The following TTN variants were observed in gnomAD, a reference collection of about 807,000 sequenced individuals.
The protein encoded by TTN is titin, also known as connectin.
Under a neutral mutation model 3,223.0 loss-of-function variants are expected in TTN, and 1,525 were observed. The observed-to-expected ratio is 0.47, with a 90% CI of 0.45 to 0.49. The LOEUF (loss-of-function observed/expected upper bound fraction) is 0.49. Among genes scored for constraint, TTN ranks in the 20% least tolerant of loss-of-function variants. TTN has a pLI of 0.00. For missense variants in TTN, 40,786 were observed against 43,424.0 expected, an observed-to-expected ratio of 0.94 and a Z score of 5.40; for synonymous variants, 14,094 against 15,161.0, an observed-to-expected ratio of 0.93 and a Z score of 5.17.
In TTN at chr2:178,581,722, A is replaced by G; in HGVS notation, c.66546T>C (p.Tyr22182=). The G allele has an allele frequency of 6.2e-7, 1 of 1,610,456 alleles. No individual in the cohort carries two copies. Among genetic ancestry groups the G allele is most frequent in the Non-Finnish European group, 8.5e-7 (1 of 1,178,196 alleles). The change falls in exon 316 of 363, where the codon TAT becomes TAC. Residue 22182 remains tyrosine (Y), a synonymous_variant. Transcript: ENST00000589042. ...AACCAATGATAGGGCTGCCGCCGTC[A>G]TAGGCTGGCTTGCCCCAAGATAGAC... The part of the protein sequence containing the change: ...SVSLSWGKPA[Y]DGGSPIIGYL...
At chr2:178,727,403 G>A in intron 68 of TTN, 32 bp from the exon 69 acceptor site, 1 of 1,532,934 alleles carries the variant, frequency 6.5e-7, no homozygotes, top group Non-Finnish European at 8.7e-7. Flanking sequence ...GAGTATCAGG[G>A]AACAGAAATA....
intron 41 of TTN, 115 bp from the exon 42 acceptor site, chr2:178,764,926 G>T (rs1220908556): frequency 8.2e-7 from 1 of 1,226,160 alleles, no homozygotes. Context: ...CAAAATTTTG[G>T]AATTGTGGTA....
Position 178,577,048 on chromosome 2 carries a change from G to A in TTN, c.69287C>T (p.Ser23096Phe), listed in dbSNP as rs775422985. Residue 23096 changes from serine (S) to phenylalanine (F), a missense_variant, in exon 324 of 363, where the codon TCT becomes TTT. Coordinates refer to ENST00000589042, the MANE Select transcript of TTN (RefSeq NM_001267550.2). ...LWTVVSEDIQ[S>F]CRHVATKLIQ... ...AAGTTTGGTTGCCACATGCCTGCAAGACTGAATATCTTCAGAAACCACTGT... is the reference window on the plus strand; with the variant it reads ...AAGTTTGGTTGCCACATGCCTGCAAAACTGAATATCTTCAGAAACCACTGT... 1.6e-5 allele frequency: 26 copies of A among 1,613,450 alleles called. No homozygotes were observed. In the East Asian group the frequency reaches 5.8e-4, roughly 36 times the overall value.
In TTN at chr2:178,569,439, A is replaced by G. The variant is rs753679035; in HGVS notation, c.76693T>C (p.Ser25565Pro). The change falls in exon 326 of 363, where the codon TCT becomes CCT. Residue 25565 changes from serine (S) to proline (P), a missense_variant. Physicochemically the swap from Ser to Pro is moderately conservative, Grantham distance 74. Transcript: ENST00000589042. ...AIIDVTSSFT[S>P]LVLDNVNRYD... ...CGGTTGACATTGTCAAGAACAAGAG[A>G]GGTGAAACTGCTAGTGACATCAATT... is the stretch of plus-strand genomic sequence containing the variant. 12 of 1,613,232 alleles carry G rather than the reference A, an allele frequency of 7.4e-6. No homozygotes were observed. Among genetic ancestry groups the G allele is most frequent in the Non-Finnish European group, 1.0e-5 (12 of 1,179,504 alleles).
In TTN at chr2:178,560,423, CAA is replaced by C. The variant is rs1219440385; in HGVS notation, c.85707_85708del (p.Cys28570LeufsTer7). The C allele has an allele frequency of 6.2e-7, 1 of 1,613,626 alleles. No homozygotes were observed. The highest frequency in any genetic ancestry group is 2.2e-5 in the East Asian group (1 of 44,806). On this transcript the variant is annotated frameshift_variant, in exon 326 of 363. Coordinates refer to ENST00000589042, the MANE Select transcript of TTN (RefSeq NM_001267550.2). LOFTEE classifies it high-confidence loss of function. The stretch of plus-strand genomic sequence containing the variant: ...TCCATCACTCTCGGGTCTTGACCAG[CAA>C]AGTGTCATAGATTCTTTGGTCACAG...
At position 178,567,619 on chromosome 2, in the gene TTN, T is replaced by C. The variant is rs752565778; in HGVS notation, c.78513A>G (p.Ala26171=). 9.3e-6 allele frequency: 15 copies of C among 1,612,060 alleles called. No individual in the cohort carries two copies. The highest frequency in any genetic ancestry group is 1.2e-5 in the Non-Finnish European group (14 of 1,178,644). The change falls in exon 326 of 363, where the codon GCA becomes GCG. Residue 26171 remains alanine (A), a synonymous_variant. Transcript: ENST00000589042. ...CAGTACTGTCAGAGGGTTTACTTAT[T>C]GCACCAGCTGCATTCTTTGCAATGA... ...FRVIAKNAAG[A]ISKPSDSTGP...
Position 178,799,863 on chromosome 2 carries a change from C to G in TTN, c.631G>C (p.Ala211Pro). The G allele has an allele frequency of 6.2e-7, 1 of 1,614,118 alleles. No homozygotes were observed. The highest frequency in any genetic ancestry group is 1.3e-5 in the African/African-American group (1 of 75,036). The stretch of plus-strand genomic sequence containing the variant: ...GTTTGTCTTGATTCTGAGATCTGAG[C>G]AGTCGAAACAATTGTCTTTGTCTTT... ...AKKTKTIVST[A>P]QISESRQTRI... The change falls in exon 5 of 363, where the codon GCT becomes CCT. Residue 211 changes from alanine to proline, a missense_variant. Coordinates refer to ENST00000589042, the MANE Select transcript of TTN (RefSeq NM_001267550.2).
intron 193 of TTN, 29 bp downstream of exon 193, chr2:178,654,179 A>G: frequency 6.3e-7 from 1 of 1,586,028 alleles, no homozygotes; most frequent in Non-Finnish European, 8.5e-7. Flanking sequence ...ACAGTAAGTT[A>G]TTCTTAGCAG....
At position 178,616,489 on chromosome 2, in the gene TTN, G is replaced by A; in HGVS notation, c.48302C>T (p.Thr16101Ile). 1 of 1,612,124 alleles carries A rather than the reference G, an allele frequency of 6.2e-7. No individual in the cohort carries two copies. ...VVEKREVSRK[T>I]WTKVMDFVTD... ...CTGCTCAAAACTCACTTTAGTCCAT[G>A]TTTTCCGGCTGACTTCTCGTTTTTC... The change falls in exon 257 of 363, where the codon ACA becomes ATA. Residue 16101 changes from threonine to isoleucine, a missense_variant. Thr to Ile is a moderately conservative substitution (Grantham distance 89). Coordinates refer to ENST00000589042, the MANE Select transcript of TTN (RefSeq NM_001267550.2).
chr2:178,677,486 G>C (rs2068356449), intron 146 of TTN, 135 bp downstream of exon 146: 1 of 924,474 alleles, frequency 1.1e-6, no homozygotes, highest in Non-Finnish European at 1.6e-6. Flanking sequence ...CACATGTCTG[G>C]AATGTTTTCT....
chr2:178,666,785 A>G lies in TTN; in HGVS notation c.35875+39T>C, dbSNP rs762495741. Reference sequence around the variant, plus strand: ...TTTACATGTGTTAAGTACAACTGCAAACATGAGATTAAAAAGGTGACTTTC... The same window carrying G: ...TTTACATGTGTTAAGTACAACTGCAGACATGAGATTAAAAAGGTGACTTTC... On this transcript the variant is annotated intron_variant, in intron 163 of 362. Transcript: ENST00000589042. 2.0e-6 allele frequency: 3 copies of G among 1,499,288 alleles called. No individual in the cohort carries two copies. The South Asian group carries it at 3.8e-5, about 19-fold the overall frequency. 92.9% of individuals were successfully genotyped at this position (1,499,288 alleles called of 1,614,324 possible).
chr2:178,735,540 C>T lies in TTN; in HGVS notation c.14906G>A (p.Ser4969Asn), dbSNP rs762810073. 1 of 1,596,016 alleles carries T rather than the reference C, an allele frequency of 6.3e-7. No individual in the cohort carries two copies. Among genetic ancestry groups the T allele is most frequent in the Non-Finnish European group, 8.5e-7 (1 of 1,172,636 alleles). The change falls in exon 50 of 363, where the codon AGC (serine) becomes AAC (asparagine). Residue 4969 changes from serine (S) to asparagine (N), a missense_variant. Coordinates refer to ENST00000589042, the MANE Select transcript of TTN (RefSeq NM_001267550.2). ...VCTASNEAGS[S>N]SCSATVTVRE... Reference sequence around the variant, plus strand: ...GACAGTGACTGTGGCTGAGCAGGAGCTGCTTCCAGCCTCATTTGAAGCTGT... The same window carrying T: ...GACAGTGACTGTGGCTGAGCAGGAGTTGCTTCCAGCCTCATTTGAAGCTGT...
rs1272419562 is a variant in TTN at position 178,599,306 on chromosome 2, C to T, written c.56487G>A (p.Arg18829=). 5.0e-6 allele frequency: 8 copies of T among 1,609,280 alleles called. No homozygotes were observed. The highest frequency in any genetic ancestry group is 1.1e-5 in the South Asian group (1 of 90,044). Residue 18829 remains arginine (R), a synonymous_variant, in exon 290 of 363, where the codon AGG becomes AGA. Transcript: ENST00000589042. ...CACTGGAGACATGGACCCATGTCTTCCTGTTAGCTTCTCTTTTCTCAATTA... is the reference window on the plus strand; with the variant it reads ...CACTGGAGACATGGACCCATGTCTTTCTGTTAGCTTCTCTTTTCTCAATTA... ...NYVIEKREAN[R]KTWVHVSSEP...
At chr2:178,784,038 G>A (rs766601440) in intron 16 of TTN, 32 bp downstream of exon 16, 3 of 1,611,462 alleles carry the variant, frequency 1.9e-6, no homozygotes, top group African/African-American at 2.7e-5. Flanking sequence ...AATGGGAGTG[G>A]ACCATGTAAC....
At chr2:178,792,397 T>C (rs1418225683) in intron 9 of TTN, among the ~76,000 whole-genome samples, 200 bp from the exon 10 acceptor site, 1 of 152,202 alleles carries the variant, frequency 6.6e-6, no homozygotes, top group African/African-American at 2.4e-5. Context: ...TGTAGGCTGC[T>C]TAGAGAAAAC....
Position 178,718,444 on chromosome 2 carries a change from A to G in TTN, c.24662T>C (p.Met8221Thr). 6.2e-7 allele frequency: 1 copy of G among 1,613,782 alleles called. No individual in the cohort carries two copies. The highest frequency in any genetic ancestry group is 8.5e-7 in the Non-Finnish European group (1 of 1,179,746). ...ISQSERCSIT[M>T]TEKSTILEIL... is the part of the protein sequence containing the mutation. ...TTCCAGTATGGTAGATTTTTCTGTCATAGTAATACTGCATCTCTCAGATTG... is the reference window on the plus strand; with the variant it reads ...TTCCAGTATGGTAGATTTTTCTGTCGTAGTAATACTGCATCTCTCAGATTG... The change falls in exon 85 of 363, where the codon ATG becomes ACG. Residue 8221 changes from methionine (M) to threonine (T), a missense_variant. By Grantham distance (81) the Met-to-Thr change is moderately conservative (BLOSUM62 -1). Coordinates refer to ENST00000589042, the MANE Select transcript of TTN (RefSeq NM_001267550.2).
chr2:178,533,015 TCTC>T lies in TTN; in HGVS notation c.103597_103599del (p.Glu34533del). The T allele has an allele frequency of 1.2e-6, 2 of 1,613,956 alleles. No individual in the cohort carries two copies. Among genetic ancestry groups the T allele is most frequent in the Non-Finnish European group, 1.7e-6 (2 of 1,179,870 alleles). ...ACATCATAAGGCATCCGGAGTTTTC[TCTC>T]CTCCTTCTTTTCTTCTATCTCAAGT... is the stretch of plus-strand genomic sequence containing the variant. On this transcript the variant is annotated inframe_deletion, in exon 358 of 363. Transcript: ENST00000589042.
intron 358 of TTN, 30 bp downstream of exon 358, chr2:178,530,211 A>G: frequency 6.4e-7 from 1 of 1,562,686 alleles, no homozygotes; most frequent in East Asian, 2.2e-5. Flanking sequence ...TTTAGAAGAT[A>G]AAAGAAAGAG....
At position 178,583,101 on chromosome 2, in the gene TTN, C is replaced by T; in HGVS notation, c.65702G>A (p.Gly21901Asp). 1 of 1,611,378 alleles carries T rather than the reference C, an allele frequency of 6.2e-7. No individual in the cohort carries two copies. The change falls in exon 313 of 363, where the codon GGC becomes GAC. Residue 21901 changes from glycine to aspartate, a missense_variant. Gly to Asp is a moderately conservative substitution (Grantham distance 94). Coordinates refer to ENST00000589042, the MANE Select transcript of TTN (RefSeq NM_001267550.2). Reference sequence around the variant, plus strand: ...GCCTTCTGCTGGTTTTAGCAGTGTGCCATCTTTTTTCCAAGAAACTGTTGG... The same window carrying T: ...GCCTTCTGCTGGTTTTAGCAGTGTGTCATCTTTTTTCCAAGAAACTGTTGG... ...PMPTVSWKKDGTLLKPAEGIK... is the reference protein window; with the variant it reads ...PMPTVSWKKDDTLLKPAEGIK...
Sources: gnomAD v4.1 joint callset for allele counts (sites outside exome capture counted in the v4.1 genomes callset) on GRCh38, gnomAD v4.1.1 for gene constraint, MANE v1.5 for transcripts, NCBI Gene and HGNC (gene_info 2026-07-23, HGNC 2026-07-21) for gene names.